The following LRP2 variants were observed in gnomAD, a reference collection of about 807,000 sequenced individuals.
LRP2 encodes LDL receptor related protein 2, also known as low-density lipoprotein receptor-related protein 2.
In LRP2, 172 loss-of-function variants were observed where a neutral mutation model predicts 531.0. The ratio of observed to expected loss-of-function variants is 0.32; its 90% CI spans 0.29 to 0.37. The LOEUF (loss-of-function observed/expected upper bound fraction) is 0.37. Ranked by LOEUF, LRP2 falls within the 10% of genes least tolerant of loss-of-function variation. LRP2 has a pLI of 1.00. For missense variants in LRP2, 5,167 were observed against 5,868.3 expected (o/e 0.88, Z 3.90); for synonymous variants, 1,992 against 2,027.6 (o/e 0.98, Z 0.47).
Position 169,271,018 on chromosome 2 carries a change from C to G in LRP2, c.2206G>C (p.Val736Leu). The change falls in exon 16 of 79, where the codon GTT becomes CTT. Residue 736 changes from valine (V) to leucine (L), a missense_variant. Val to Leu is a conservative substitution (Grantham distance 32, BLOSUM62 1). This residue lies in a region of LRP2 where 2,811 missense variants were observed against 3,058.0 expected (regional missense o/e 0.92). Transcript: ENST00000649046. ...ACAAAGAAAGAAGGATTCCCCGAAACTGGAACCATGACATCTTCCTGGGTA... is the reference window on the plus strand; with the variant it reads ...ACAAAGAAAGAAGGATTCCCCGAAAGTGGAACCATGACATCTTCCTGGGTA... ...LSTQEDVMVP[V>L]SGNPSFFVGI... 1 of 1,613,286 alleles carries G rather than the reference C, an allele frequency of 6.2e-7. No homozygotes were observed. Among genetic ancestry groups the G allele is most frequent in the Non-Finnish European group, 8.5e-7 (1 of 1,179,560 alleles).
intron 63 of LRP2, among the ~76,000 whole-genome samples, chr2:169,161,405 G>T (rs943891386): frequency 6.6e-6 from 1 of 152,260 alleles, no homozygotes; most frequent in Admixed American, 6.5e-5. Context: ...AGCTAGAATT[G>T]TTCCTTGGTT....
At chr2:169,267,990 A>C (rs1257520080) in intron 16 of LRP2, among the ~76,000 whole-genome samples, 2 of 152,234 alleles carry the variant, frequency 1.3e-5, no homozygotes, top group African/African-American at 4.8e-5. Context: ...CTATGCAAAT[A>C]AACTAGAAAA....
At chr2:169,254,512 A>T (rs1259072434) in intron 19 of LRP2, among the ~76,000 whole-genome samples, 2 of 60,740 alleles carry the variant, frequency 3.3e-5, no homozygotes, top group Non-Finnish European at 3.0e-5. Flanking sequence ...GGGAGGGGGG[A>T]GGGATAGCAT....
chr2:169,181,363 G>A lies in LRP2; in HGVS notation c.10169+85C>T. On this transcript the variant is annotated intron_variant, in intron 52 of 78. Transcript: ENST00000649046. The stretch of plus-strand genomic sequence containing the variant: ...CAACAGACAGGCCAGTTAGACAATA[G>A]AGGGGACTAATAGACTGGAATCACA... The A allele has an allele frequency of 5.2e-6, 7 of 1,355,300 alleles. No individual in the cohort carries two copies. The South Asian group carries it at 8.3e-5, about 16-fold the overall frequency. 84.0% of individuals were successfully genotyped at this position (1,355,300 alleles called of 1,614,324 possible).
At chr2:169,168,848 C>A (rs947629710) in intron 60 of LRP2, among the ~76,000 whole-genome samples, 172 bp from the exon 61 acceptor site, 1 of 152,178 alleles carries the variant, frequency 6.6e-6, no homozygotes, top group African/African-American at 2.4e-5. Context: ...GTCTTAAGGG[C>A]AGTTGTCAGA....
At chr2:169,350,723 C>CA (rs35301449) in intron 1 of LRP2, among the ~76,000 whole-genome samples, 31,017 of 68,234 alleles carry the variant, frequency 0.45, 6,870 homozygotes, top group Admixed American at 0.49. Context: ...GACTCCATCG[C>CA]AAAAAAAAAA....
In LRP2 at chr2:169,206,996, C is replaced by A. The variant is rs760526707; in HGVS notation, c.6724G>T (p.Asp2242Tyr). ...CAATAAACGTAGCCATCACTTCGGT[C>A]CACTGCCAAGCCCCGTGGTGTGACA... ...GIVTPRGLAV[D>Y]RSDGYVYWVD... is the part of the protein sequence containing the mutation. The change falls in exon 39 of 79, where the codon GAC becomes TAC. Residue 2242 changes from aspartate (D) to tyrosine (Y), a missense_variant. By Grantham distance (160) the Asp-to-Tyr change is radical (BLOSUM62 -3). Around this residue, in one of 6 missense-constraint regions of LRP2, gnomAD observed 2,811 missense variants for 3,058.0 expected, o/e 0.92. Transcript: ENST00000649046. The A allele has an allele frequency of 6.2e-7, 1 of 1,614,194 alleles. No individual in the cohort carries two copies. Among genetic ancestry groups the A allele is most frequent in the Non-Finnish European group, 8.5e-7 (1 of 1,180,042 alleles).
intron 72 of LRP2, among the ~76,000 whole-genome samples, chr2:169,139,897 G>C (rs377610190): frequency 6.6e-6 from 1 of 152,180 alleles, no homozygotes; most frequent in African/African-American, 2.4e-5. Flanking sequence ...TCCTTAGAGA[G>C]TACAAATGGA....
intron 31 of LRP2, among the ~76,000 whole-genome samples, chr2:169,230,867 C>T (rs1360165940): frequency 1.3e-5 from 2 of 152,160 alleles, no homozygotes; most frequent in Non-Finnish European, 2.9e-5. Context: ...TTAAATTGCT[C>T]AGTCACTTGT....
Position 169,178,044 on chromosome 2 carries a change from AAC to A in LRP2, c.10170-20_10170-19del, listed in dbSNP as rs754222318. Reference sequence around the variant, plus strand: ...CAGAGTACCTGCAGCAGTAAGCAGAAACAGTTATGTGATAAAGGTAATTCCTC... The same window carrying A: ...CAGAGTACCTGCAGCAGTAAGCAGAAAGTTATGTGATAAAGGTAATTCCTC... On this transcript the variant is annotated intron_variant, in intron 52 of 78. Coordinates refer to ENST00000649046, the MANE Select transcript of LRP2 (RefSeq NM_004525.3). The A allele has an allele frequency of 6.4e-7, 1 of 1,572,532 alleles. No individual in the cohort carries two copies. The highest frequency in any genetic ancestry group is 1.7e-5 in the Admixed American group (1 of 59,476).
At chr2:169,154,227 G>T (rs1236259692) in intron 66 of LRP2, among the ~76,000 whole-genome samples, 2 of 152,138 alleles carry the variant, frequency 1.3e-5, no homozygotes, top group Non-Finnish European at 2.9e-5. Context: ...ATGTGAGATG[G>T]TCCAGAAAGG....
chr2:169,185,852 T>C lies in LRP2; in HGVS notation c.9496A>G (p.Lys3166Glu), dbSNP rs1423836845. 2.5e-6 allele frequency: 4 copies of C among 1,613,842 alleles called. No homozygotes were observed. The highest frequency in any genetic ancestry group is 3.4e-6 in the Non-Finnish European group (4 of 1,179,998). Residue 3166 changes from lysine (K) to glutamate (E), a missense_variant, in exon 50 of 79, where the codon AAG (lysine) becomes GAG (glutamate). This residue lies in a region of LRP2 where 1,129 missense variants were observed against 1,362.7 expected (regional missense o/e 0.83). Coordinates refer to ENST00000649046, the MANE Select transcript of LRP2 (RefSeq NM_004525.3). The stretch of plus-strand genomic sequence containing the variant: ...TAGGAGCCTATTACATTCTCACACT[T>C]CTGGCTACAGACAAAAGGCATCTCT... ...CTEMPFVCSQ[K>E]CENVIGSYIC...
chr2:169,341,359 T>C (rs1685557712), intron 1 of LRP2, among the ~76,000 whole-genome samples: 1 of 152,160 alleles, frequency 6.6e-6, no homozygotes, highest in African/African-American at 2.4e-5. Context: ...TGCAAGATCT[T>C]TGACACCCTC....
chr2:169,331,765 T>C (rs781454813), intron 1 of LRP2, among the ~76,000 whole-genome samples: 3 of 152,224 alleles, frequency 2.0e-5, no homozygotes, highest in Non-Finnish European at 4.4e-5. Flanking sequence ...ACACACCCTG[T>C]GCAAAAACTA....
At chr2:169,187,637 A>G (rs1391954576) in intron 49 of LRP2, among the ~76,000 whole-genome samples, 1 of 152,250 alleles carries the variant, frequency 6.6e-6, no homozygotes, top group Non-Finnish European at 1.5e-5. Context: ...GGGATGCTTC[A>G]GGCAAAAAGT....
chr2:169,175,285 T>A lies in LRP2; in HGVS notation c.10676A>T (p.Gln3559Leu). The A allele has an allele frequency of 6.2e-7, 1 of 1,614,214 alleles. No individual in the cohort carries two copies. The highest frequency in any genetic ancestry group is 8.5e-7 in the Non-Finnish European group (1 of 1,180,030). The part of the protein sequence containing the change: ...PQRFCRLGQF[Q>L]CSDGNCTSPQ... ...GCTGGTGCAGTTGCCGTCACTGCAC[T>A]GGAACTGTCCCAGTCGGCAGAAGCG... The change falls in exon 55 of 79, where the codon CAG becomes CTG. Residue 3559 changes from glutamine (Q) to leucine (L), a missense_variant. Physicochemically the swap from Gln to Leu is moderately radical, Grantham distance 113 (BLOSUM62 -2). Around this residue, in one of 6 missense-constraint regions of LRP2, gnomAD observed 311 missense variants for 309.4 expected, o/e 1.01. Transcript: ENST00000649046.
intron 3 of LRP2, among the ~76,000 whole-genome samples, chr2:169,318,349 A>C (rs1001370886): frequency 1.2e-4 from 18 of 151,754 alleles, no homozygotes; most frequent in Non-Finnish European, 2.4e-4. Flanking sequence ...ACCTACTTCC[A>C]CTCAGTCAAA....
At chr2:169,204,552 G>A (rs1395180356) in intron 41 of LRP2, among the ~76,000 whole-genome samples, 1 of 152,164 alleles carries the variant, frequency 6.6e-6, no homozygotes, top group Non-Finnish European at 1.5e-5. Context: ...AATAATCCAT[G>A]TAATGCATGG....
At position 169,160,685 on chromosome 2, in the gene LRP2, A is replaced by AAAAAAAAACAAAAAAAAAAAAAC. The variant is rs1553487416; in HGVS notation, c.11887+1786_11887+1787insGTTTTTTTTTTTTTGTTTTTTTT. On this transcript the variant is annotated intron_variant, in intron 63 of 78. Transcript: ENST00000649046. ...TTGTTTGTGCTACTTATTTCCTTAA[A>AAAAAAAAACAAAAAAAAAAAAAC]AAAAAAAAAACCTGCTACTAATTAA... Among the ~76,000 whole-genome samples, 39 of 94,230 alleles carry AAAAAAAAACAAAAAAAAAAAAAC rather than the reference A, an allele frequency of 4.1e-4. 1 individual carries two copies. The highest frequency in any genetic ancestry group is 1.9e-3 in the Admixed American group (15 of 8,042). 61.8% of individuals were successfully genotyped at this position (94,230 alleles called of 152,430 possible).
Sources: allele counts gnomAD v4.1 joint callset (sites outside exome capture counted in the v4.1 genomes callset), GRCh38; gene constraint gnomAD v4.1.1; regional missense constraint gnomAD v4.1.1; transcripts MANE v1.5; gene names NCBI Gene and HGNC (gene_info 2026-07-23, HGNC 2026-07-21).